Variants in SNRPD2 observed in about 807,000 individuals in gnomAD.
SNRPD2 encodes the protein small nuclear ribonucleoprotein D2 polypeptide, also known as small nuclear ribonucleoprotein Sm D2.
SNRPD2 carries 1 observed loss-of-function variant against 11.5 expected under a neutral mutation model. The ratio of observed to expected loss-of-function variants is 0.09; its 90% CI spans 0.03 to 0.41. The LOEUF (loss-of-function observed/expected upper bound fraction) is 0.41. Ranked by LOEUF, SNRPD2 falls within the 10% of genes least tolerant of loss-of-function variation. The probability of loss-of-function intolerance (pLI) is 0.98; values close to 1 mark genes in which losing one functional copy is unlikely to be tolerated. For missense variants in SNRPD2, 77 were observed against 154.9 expected (o/e 0.50, Z 2.67); for synonymous variants, 63 against 61.5 (o/e 1.02, Z -0.12).
chr19:45,690,949 A>G (rs1020162117), intron 1 of SNRPD2, among the ~76,000 whole-genome samples: 4 of 152,152 alleles, frequency 2.6e-5, no homozygotes, highest in African/African-American at 4.8e-5. Flanking sequence ...TAAGCATTCA[A>G]TGTAATATCT....
chr19:45,690,844 A>AG (rs1967524701), intron 1 of SNRPD2, among the ~76,000 whole-genome samples: 1 of 151,924 alleles, frequency 6.6e-6, no homozygotes, highest in South Asian at 2.1e-4. Context: ...AAAAAAAAAA[A>AG]AAAAGAAAAA....
In SNRPD2 at chr19:45,691,896, A is replaced by G. The variant is rs371621859; in HGVS notation, c.-8T>C. 3.7e-6 allele frequency: 6 copies of G among 1,613,952 alleles called. No individual in the cohort carries two copies. The highest frequency in any genetic ancestry group is 3.4e-6 in the Non-Finnish European group (4 of 1,179,994). ...CCTAGCCCGGCCTCACATGATGGTC[A>G]CTACGCTCTCCGTTCACTCCCGTTT... On this transcript the variant is annotated 5_prime_UTR_variant, in exon 1 of 3. Transcript: ENST00000342669.
chr19:45,687,513 T>A lies in SNRPD2; in HGVS notation c.*40A>T. On this transcript the variant is annotated 3_prime_UTR_variant, in exon 3 of 3. Transcript: ENST00000342669. This position sits in a 1 kb window ranked among gnomAD's most constrained non-coding sequence, Gnocchi z 4.1. ...TCAACACCAATGGCAGCGGTCTTCA[T>A]AGGACAGAGGAGTGAGTTCTGTCAA... The A allele has an allele frequency of 6.3e-7, 1 of 1,588,072 alleles. No homozygotes were observed. The highest frequency in any genetic ancestry group is 8.6e-7 in the Non-Finnish European group (1 of 1,157,420).
At chr19:45,691,704 C>G (rs1480901397) in intron 1 of SNRPD2, 183 bp downstream of exon 1, 17 of 758,356 alleles carry the variant, frequency 2.2e-5, no homozygotes, top group Non-Finnish European at 3.7e-5. Context: ...TCCCCTCTCC[C>G]GAAGTCACGA....
chr19:45,688,835 C>T lies in SNRPD2; in HGVS notation c.3-269G>A, dbSNP rs545664521. Among the ~76,000 whole-genome samples the T allele has an allele frequency of 6.6e-6, 1 of 151,910 alleles. No homozygotes were observed. On this transcript the variant is annotated intron_variant, in intron 1 of 2. Coordinates refer to ENST00000342669, the MANE Select transcript of SNRPD2 (RefSeq NM_001384647.1). The surrounding 1 kb of genome is among the most constrained non-coding windows in gnomAD (Gnocchi z 4.1). ...GCAACCTCTGCCTCCTGGGTTCAAG[C>T]GATTCTCCTGCCTCAGCCTCCTGAG...
chr19:45,690,831 C>CAAAAAAA (rs34253731), intron 1 of SNRPD2, among the ~76,000 whole-genome samples: 3 of 87,420 alleles, frequency 3.4e-5, no homozygotes, highest in Non-Finnish European at 4.8e-5. Context: ...GGCTCCGTCT[C>CAAAAAAA]AAAAAAAAAA....
At position 45,688,322 on chromosome 19, in the gene SNRPD2, T is replaced by A; in HGVS notation, c.182+65A>T. On this transcript the variant is annotated intron_variant, in intron 2 of 2. Coordinates refer to ENST00000342669, the MANE Select transcript of SNRPD2 (RefSeq NM_001384647.1). This position sits in a 1 kb window ranked among gnomAD's most constrained non-coding sequence, Gnocchi z 4.1. ...TCTGAGACAGCTGTCTTTGAGCTCTTCAGACTGGAGCTGGAGTGGCCTCTC... is the reference window on the plus strand; with the variant it reads ...TCTGAGACAGCTGTCTTTGAGCTCTACAGACTGGAGCTGGAGTGGCCTCTC... 7.0e-7 allele frequency: 1 copy of A among 1,427,628 alleles called. No homozygotes were observed. Among genetic ancestry groups the A allele is most frequent in the South Asian group, 1.2e-5 (1 of 84,022 alleles). 88.4% of individuals were successfully genotyped at this position (1,427,628 alleles called of 1,614,324 possible).
intron 1 of SNRPD2, among the ~76,000 whole-genome samples, chr19:45,691,133 C>A (rs1401981718): frequency 6.6e-6 from 1 of 152,068 alleles, no homozygotes; most frequent in Non-Finnish European, 1.5e-5. Context: ...CGTTTTATTT[C>A]TTTTGTTTCG....
rs372388044 is a variant in SNRPD2 at position 45,691,917 on chromosome 19, C to A, written c.-29G>T. 1 of 1,614,048 alleles carries A rather than the reference C, an allele frequency of 6.2e-7. No homozygotes were observed. The highest frequency in any genetic ancestry group is 1.3e-5 in the African/African-American group (1 of 74,944). ...GGTCACTACGCTCTCCGTTCACTCC[C>A]GTTTCCTCCGCGTTGCTGCTGCCTG... On this transcript the variant is annotated 5_prime_UTR_variant, in exon 1 of 3. Transcript: ENST00000342669.
At position 45,687,604 on chromosome 19, in the gene SNRPD2, G is replaced by A. The variant is rs760607876; in HGVS notation, c.306C>T (p.Arg102=). The A allele has an allele frequency of 2.0e-5, 33 of 1,614,078 alleles. No individual in the cohort carries two copies. The highest frequency in any genetic ancestry group is 1.6e-4 in the Middle Eastern group (1 of 6,084). ...KDRYISKMFL[R]GDSVIVVLRN... Reference sequence around the variant, plus strand: ...GCAGGACCACGATGACTGAGTCCCCGCGCAGGAACATCTTGGAGATGTAGC... The same window carrying A: ...GCAGGACCACGATGACTGAGTCCCCACGCAGGAACATCTTGGAGATGTAGC... Residue 102 remains arginine (R), a synonymous_variant, in exon 3 of 3, where the codon CGC becomes CGT. Coordinates refer to ENST00000342669, the MANE Select transcript of SNRPD2 (RefSeq NM_001384647.1). This position sits in a 1 kb window ranked among gnomAD's most constrained non-coding sequence, Gnocchi z 4.1.
chr19:45,690,458 C>G (rs1180900977), intron 1 of SNRPD2: 1 of 150,592 alleles, frequency 6.6e-6, no homozygotes, highest in Non-Finnish European at 1.5e-5. Context: ...ACACTCCAAT[C>G]TGGGTGACAG....
intron 1 of SNRPD2, chr19:45,689,141 C>G (rs1173838894): frequency 7.8e-6 from 4 of 513,216 alleles, no homozygotes; most frequent in Admixed American, 2.0e-5. Context: ...CTCCATCCTT[C>G]TAGTTCTCTG....
At chr19:45,692,072 A>G (rs1967576713), upstream of SNRPD2, 2 of 1,518,546 alleles carry the variant, frequency 1.3e-6, no homozygotes, top group Admixed American at 4.1e-5. Context: ...TGATGGAATA[A>G]AAGCTTCGGG....
chr19:45,691,795 C>G, intron 1 of SNRPD2, 92 bp downstream of exon 1: 5 of 1,489,328 alleles, frequency 3.4e-6, no homozygotes, highest in Non-Finnish European at 3.8e-6. Context: ...CTGCCCCTGC[C>G]CCCCCCGCTC....
At position 45,688,302 on chromosome 19, in the gene SNRPD2, G is replaced by C; in HGVS notation, c.182+85C>G. On this transcript the variant is annotated intron_variant, in intron 2 of 2. Coordinates refer to ENST00000342669, the MANE Select transcript of SNRPD2 (RefSeq NM_001384647.1). This position sits in a 1 kb window ranked among gnomAD's most constrained non-coding sequence, Gnocchi z 4.1. ...CTGGCCATACACCCCAGGCTTCTGAGACAGCTGTCTTTGAGCTCTTCAGAC... is the reference window on the plus strand; with the variant it reads ...CTGGCCATACACCCCAGGCTTCTGACACAGCTGTCTTTGAGCTCTTCAGAC... 1 of 1,228,726 alleles carries C rather than the reference G, an allele frequency of 8.1e-7. No homozygotes were observed. The highest frequency in any genetic ancestry group is 1.2e-6 in the Non-Finnish European group (1 of 855,840). The allele number at this position is 1,228,726 out of a possible 1,614,324, so 76.1% of individuals were successfully genotyped here. A position where few individuals can be genotyped will look rare whatever the true frequency, so the allele number is the denominator to read the frequency against.
intron 1 of SNRPD2, among the ~76,000 whole-genome samples, chr19:45,690,291 C>T (rs1306098619): frequency 1.4e-5 from 2 of 141,532 alleles, no homozygotes; most frequent in Admixed American, 7.3e-5. Flanking sequence ...GAGATTGCGC[C>T]ACTGCACGCC....
intron 1 of SNRPD2, 90 bp downstream of exon 1, chr19:45,691,797 C>CT (rs1967564507): frequency 2.0e-6 from 3 of 1,511,354 alleles, no homozygotes; most frequent in Non-Finnish European, 1.8e-6. Flanking sequence ...GCCCCTGCCC[C>CT]CCCCGCTCTG....
At position 45,688,352 on chromosome 19, in the gene SNRPD2, C is replaced by A; in HGVS notation, c.182+35G>T. Reference sequence around the variant, plus strand: ...CTGGAGCTGGAGTGGCCTCTCCAGGCCTGCGGAGAACACCTCCCAGGACCC... The same window carrying A: ...CTGGAGCTGGAGTGGCCTCTCCAGGACTGCGGAGAACACCTCCCAGGACCC... On this transcript the variant is annotated intron_variant, in intron 2 of 2. Transcript: ENST00000342669. This position sits in a 1 kb window ranked among gnomAD's most constrained non-coding sequence, Gnocchi z 4.1. 4.4e-6 allele frequency: 7 copies of A among 1,601,028 alleles called. No homozygotes were observed. Among genetic ancestry groups the A allele is most frequent in the Non-Finnish European group, 6.0e-6 (7 of 1,168,992 alleles).
intron 1 of SNRPD2, chr19:45,691,559 C>A: frequency 7.8e-6 from 2 of 255,892 alleles, no homozygotes; most frequent in Non-Finnish European, 7.2e-6. Context: ...TTTGTAGAGA[C>A]GGGGGTCTCG....
Sources: allele counts gnomAD v4.1 joint callset (sites outside exome capture counted in the v4.1 genomes callset), GRCh38; gene constraint gnomAD v4.1.1; non-coding constraint Gnocchi (gnomAD v3.1); transcripts MANE v1.5; gene names NCBI Gene and HGNC (gene_info 2026-07-23, HGNC 2026-07-21).